Variants in SNTG1 observed in about 807,000 individuals in gnomAD.
The protein encoded by SNTG1 is syntrophin gamma 1.
SNTG1 carries 39 observed loss-of-function variants against 74.7 expected under a neutral mutation model. The observed-to-expected ratio is 0.52, with a 90% confidence interval of 0.40 to 0.68. The LOEUF (loss-of-function observed/expected upper bound fraction) is 0.68, where lower values mean the gene tolerates loss of function less well. SNTG1 is among the 30% of genes least tolerant of loss of function. The probability of loss-of-function intolerance (pLI) is 0.00; values close to 1 mark genes in which losing one functional copy is unlikely to be tolerated. For missense variants in SNTG1, 685 were observed against 609.5 expected (o/e 1.12, Z -1.30); for synonymous variants, 254 against 217.1 (o/e 1.17, Z -1.49).
intron 1 of SNTG1, among the ~76,000 whole-genome samples, chr8:50,025,136 AAGATAT>A (rs754882747): frequency 7.2e-5 from 11 of 152,272 alleles, no homozygotes; most frequent in Non-Finnish European, 1.6e-4. Context: ...AACACCCTGA[AAGATAT>A]ACAAAACCAA....
intron 13 of SNTG1, among the ~76,000 whole-genome samples, chr8:50,629,748 A>G (rs2094983314): frequency 6.6e-6 from 1 of 152,158 alleles, no homozygotes; most frequent in Non-Finnish European, 1.5e-5. Context: ...CTTCAGAGTC[A>G]TATTGGTTGT....
chr8:50,143,547 A>G (rs972557956), intron 1 of SNTG1, among the ~76,000 whole-genome samples: 2 of 152,210 alleles, frequency 1.3e-5, no homozygotes, highest in Admixed American at 1.3e-4. Context: ...GTGTCTATGG[A>G]TACTCTTTTC....
rs2092958274 is a variant in SNTG1 at position 50,412,213 on chromosome 8, T to G, written c.162+9869T>G. On this transcript the variant is annotated intron_variant, in intron 4 of 18. Coordinates refer to ENST00000642720, the MANE Select transcript of SNTG1 (RefSeq NM_018967.5). ...TCCACTTGTTATTGTGCATCTTGTT[T>G]TATTTTACCTTTAAAATAATTTTAA... 2.0e-5 allele frequency among the ~76,000 whole-genome samples: 3 copies of G among 152,206 alleles called. No homozygotes were observed. In the South Asian group the frequency reaches 6.2e-4, roughly 31 times the overall value.
In SNTG1 at chr8:50,338,022, G is replaced by A. The variant is rs987047340; in HGVS notation, c.-27-56190G>A. ...TTGGTGGCGGGCGCCTGTAGTCCCA[G>A]CTACTCAGGAGGCTGAGGCAGGAGA... On this transcript the variant is annotated intron_variant, in intron 2 of 18. Coordinates refer to ENST00000642720, the MANE Select transcript of SNTG1 (RefSeq NM_018967.5). Among the ~76,000 whole-genome samples the A allele has an allele frequency of 4.6e-5, 7 of 152,066 alleles. No individual in the cohort carries two copies. In the East Asian group the frequency reaches 5.8e-4, roughly 13 times the overall value.
At chr8:50,529,296 C>T (rs906112938) in intron 9 of SNTG1, among the ~76,000 whole-genome samples, 12 of 151,832 alleles carry the variant, frequency 7.9e-5, no homozygotes, top group African/African-American at 2.7e-4. Flanking sequence ...GCGAGAAAGC[C>T]TATATTTCCC....
chr8:50,480,744 A>C (rs558316262), intron 8 of SNTG1, among the ~76,000 whole-genome samples: 1 of 152,342 alleles, frequency 6.6e-6, no homozygotes, highest in East Asian at 1.9e-4. Flanking sequence ...GATATAAACT[A>C]TATTGCATGA....
At chr8:50,473,081 C>A (rs1388710763) in intron 8 of SNTG1, among the ~76,000 whole-genome samples, 1 of 152,130 alleles carries the variant, frequency 6.6e-6, no homozygotes, top group Non-Finnish European at 1.5e-5. Flanking sequence ...CCAACCTAAT[C>A]TCATCTTGAA....
At chr8:50,713,676 T>C (rs894090276) in intron 17 of SNTG1, among the ~76,000 whole-genome samples, 1 of 152,210 alleles carries the variant, frequency 6.6e-6, no homozygotes, top group Non-Finnish European at 1.5e-5. Flanking sequence ...TTAATCCATC[T>C]TGAGTTAATT....
intron 18 of SNTG1, among the ~76,000 whole-genome samples, chr8:50,753,494 C>T (rs771569536): frequency 3.3e-5 from 5 of 151,884 alleles, no homozygotes; most frequent in Non-Finnish European, 5.9e-5. Context: ...CAGTTGCTTA[C>T]CCCAACACTT....
intron 1 of SNTG1, among the ~76,000 whole-genome samples, chr8:50,002,483 C>T (rs900662027): frequency 2.6e-5 from 4 of 152,038 alleles, no homozygotes; most frequent in Non-Finnish European, 5.9e-5. Context: ...TATGAACAGT[C>T]ATTTAAGGTC....
chr8:49,981,721 A>AT (rs1173294717), intron 1 of SNTG1, among the ~76,000 whole-genome samples: 1 of 152,144 alleles, frequency 6.6e-6, no homozygotes, highest in African/African-American at 2.4e-5. Context: ...TCTTTTATGC[A>AT]TTTTTTAATT....
At chr8:50,456,399 C>G (rs1439056325) in intron 8 of SNTG1, among the ~76,000 whole-genome samples, 1 of 151,100 alleles carries the variant, frequency 6.6e-6, no homozygotes, top group African/African-American at 2.4e-5. Flanking sequence ...TTTTTTTTTC[C>G]CTCACAGTCA....
At chr8:50,107,025 G>T (rs1213200546) in intron 1 of SNTG1, among the ~76,000 whole-genome samples, 1 of 152,132 alleles carries the variant, frequency 6.6e-6, no homozygotes, top group Non-Finnish European at 1.5e-5. Flanking sequence ...TGCTGGTAAT[G>T]AGCAACTGAA....
intron 13 of SNTG1, among the ~76,000 whole-genome samples, chr8:50,649,194 A>C (rs762154563): frequency 6.6e-6 from 1 of 152,190 alleles, no homozygotes. Flanking sequence ...TGCTGTGAAC[A>C]CTGGTACACA....
In SNTG1 at chr8:50,564,551, A is replaced by T. The variant is rs544854911; in HGVS notation, c.810+11372A>T. Among the ~76,000 whole-genome samples, 216 of 152,202 alleles carry T rather than the reference A, an allele frequency of 1.4e-3. 1 individual carries two copies. The highest frequency in any genetic ancestry group is 5.0e-3 in the African/African-American group (206 of 41,558). On this transcript the variant is annotated intron_variant, in intron 12 of 18. Transcript: ENST00000642720. Reference sequence around the variant, plus strand: ...CACGAATTACTAAATACTCAAAGGGATGAAAGCCCCTCCCTCCCATACTCA... The same window carrying T: ...CACGAATTACTAAATACTCAAAGGGTTGAAAGCCCCTCCCTCCCATACTCA...
intron 2 of SNTG1, among the ~76,000 whole-genome samples, chr8:50,299,051 A>G (rs921175162): frequency 3.3e-5 from 5 of 152,218 alleles, no homozygotes; most frequent in Non-Finnish European, 4.4e-5. Context: ...TCCCATGGAA[A>G]CAAATCAAAT....
intron 12 of SNTG1, among the ~76,000 whole-genome samples, chr8:50,573,505 A>G (rs565809153): frequency 1.3e-4 from 19 of 151,948 alleles, no homozygotes; most frequent in Non-Finnish European, 1.5e-5. Flanking sequence ...AAAAATGTGC[A>G]TATATTTGTC....
chr8:49,990,050 C>T (rs914524784), intron 1 of SNTG1, among the ~76,000 whole-genome samples: 1 of 151,852 alleles, frequency 6.6e-6, no homozygotes, highest in Non-Finnish European at 1.5e-5. Flanking sequence ...AAACAAGGAT[C>T]TGTGCTCTTG....
rs535935973 is a variant in SNTG1 at position 49,941,072 on chromosome 8, G to A, written c.-103+28841G>A. On this transcript the variant is annotated intron_variant, in intron 1 of 18. Coordinates refer to ENST00000642720, the MANE Select transcript of SNTG1 (RefSeq NM_018967.5). ...ATGCCCCTTTGTGGGATGCATCTGA[G>A]TGGGGCACCCCCTCTTCTCAGGACA... Among the ~76,000 whole-genome samples, 13 of 152,280 alleles carry A rather than the reference G, an allele frequency of 8.5e-5. No homozygotes were observed. In the South Asian group the frequency reaches 1.0e-3, roughly 12 times the overall value.
Sources: gnomAD v4.1 joint callset for allele counts (sites outside exome capture counted in the v4.1 genomes callset) on GRCh38, gnomAD v4.1.1 for gene constraint, MANE v1.5 for transcripts, NCBI Gene and HGNC (gene_info 2026-07-23, HGNC 2026-07-21) for gene names.